ADAP1: variants seen among roughly 807,000 people sequenced by gnomAD.
The protein encoded by ADAP1 is ArfGAP with dual PH domains 1.
ADAP1 carries 31 observed loss-of-function variants against 54.9 expected under a neutral mutation model. That is an observed-to-expected ratio of 0.56 (90% CI 0.42 to 0.76). The LOEUF (loss-of-function observed/expected upper bound fraction) is 0.76, where lower values mean the gene tolerates loss of function less well. ADAP1 is among the 30% of genes least tolerant of loss of function. The pLI, the probability that ADAP1 is intolerant of heterozygous loss-of-function variation, is 0.00. For synonymous variants in ADAP1, 313 were observed against 202.6 expected (o/e 1.55, Z -4.63); for missense variants, 535 against 512.4 (o/e 1.04, Z -0.42).
chr7:900,112 G>A lies in ADAP1; in HGVS notation c.785C>T (p.Thr262Met), dbSNP rs893868928. Residue 262 changes from threonine to methionine, a missense_variant, in exon 8 of 11, where the codon ACG becomes ATG. Coordinates refer to ENST00000265846, the MANE Select transcript of ADAP1 (RefSeq NM_006869.4). The part of the protein sequence containing the change: ...NYLKEGYMEK[T>M]GPKQTEGFRK... ...GTGCGGCACACCCACCTTGGGCCCC[G>A]TCTTCTCCATGTAGCCTTCCTTCAG... The A allele has an allele frequency of 3.7e-6, 6 of 1,613,162 alleles. No individual in the cohort carries two copies. Among genetic ancestry groups the A allele is most frequent in the South Asian group, 1.1e-5 (1 of 91,088 alleles).
rs2128631795 is a variant in ADAP1, at chr7:898,705, C to CAGGGT, written c.*215_*216insACCCT. ...CTGGGTGTGGTCAGCAGCAGCATGA[C>CAGGGT]GGGGTTAGAGATCAGGCCCAGGGCC... is the stretch of plus-strand genomic sequence containing the variant. On this transcript the variant is annotated 3_prime_UTR_variant, in exon 11 of 11. Transcript: ENST00000265846. 1.4e-5 allele frequency: 9 copies of CAGGGT among 624,258 alleles called. No homozygotes were observed. Among genetic ancestry groups the CAGGGT allele is most frequent in the South Asian group, 1.4e-4 (7 of 51,784 alleles). The allele number at this position is 624,258 out of a possible 1,614,324, so 38.7% of individuals were successfully genotyped here.
In ADAP1 at chr7:898,253, GGGTTCA is replaced by G. The variant is rs960969085; in HGVS notation, c.*662_*667del. ...CCGCGGCCCAGGCCCTCGTCCCCAA[GGGTTCA>G]GACACCACTGTCGGCGAGCACCGTG... On this transcript the variant is annotated 3_prime_UTR_variant, in exon 11 of 11. Coordinates refer to ENST00000265846, the MANE Select transcript of ADAP1 (RefSeq NM_006869.4). 6.5e-6 allele frequency: 1 copy of G among 154,620 alleles called. No homozygotes were observed. Among genetic ancestry groups the G allele is most frequent in the Non-Finnish European group, 1.4e-5 (1 of 69,612 alleles). The allele number at this position is 154,620 out of a possible 1,614,324, so 9.6% of individuals were successfully genotyped here. A position where few individuals can be genotyped will look rare whatever the true frequency, so the allele number is the denominator to read the frequency against.
At chr7:906,723 C>CA (rs1437279765) in intron 4 of ADAP1, among the ~76,000 whole-genome samples, 254 of 18,356 alleles carry the variant, frequency 0.014, 11 homozygotes, top group East Asian at 0.023. Flanking sequence ...ACATCGGGGA[C>CA]GGGACATGGG....
At chr7:936,390 A>G (rs1846761411) in intron 1 of ADAP1, among the ~76,000 whole-genome samples, 2 of 152,074 alleles carry the variant, frequency 1.3e-5, no homozygotes, top group Admixed American at 1.3e-4. Context: ...ATGGGGTTTC[A>G]TCATGTTGGC....
At chr7:927,245 A>G (rs1195435799) in intron 2 of ADAP1, 10 of 1,255,664 alleles carry the variant, frequency 8.0e-6, no homozygotes, top group Non-Finnish European at 1.0e-5. Flanking sequence ...GAGGTGCTGC[A>G]GGAGGCTGTC....
chr7:955,144 G>A, upstream of ADAP1: 1 of 663,646 alleles, frequency 1.5e-6, no homozygotes, highest in Admixed American at 2.6e-5. Context: ...ACAGGGCCCA[G>A]ACGGAGCCTC....
At chr7:930,998 AAAGG>A (rs1167460912) in intron 2 of ADAP1, among the ~76,000 whole-genome samples, 70 of 147,026 alleles carry the variant, frequency 4.8e-4, no homozygotes, top group Admixed American at 1.5e-3. Flanking sequence ...AAAAAAAGAG[AAAGG>A]AAGGAAGGAA....
At chr7:904,989 C>A (rs948594064) in intron 5 of ADAP1, 71 bp downstream of exon 5, 108 of 1,369,860 alleles carry the variant, frequency 7.9e-5, no homozygotes, top group Non-Finnish European at 1.0e-4. Context: ...GCGGCCACCA[C>A]AGGCCCCAGT....
chr7:923,770 C>T (rs1846271738), intron 3 of ADAP1, among the ~76,000 whole-genome samples: 2 of 152,168 alleles, frequency 1.3e-5, no homozygotes, highest in Admixed American at 1.3e-4. Flanking sequence ...CTCTTAGCTC[C>T]TGCGAAGACG....
chr7:934,683 G>A (rs1197218851), intron 2 of ADAP1, among the ~76,000 whole-genome samples: 4 of 152,138 alleles, frequency 2.6e-5, no homozygotes, highest in South Asian at 4.1e-4. Flanking sequence ...GTCTCCCTAC[G>A]GGGCCCTTCC....
At chr7:932,028 G>A (rs548370120) in intron 2 of ADAP1, among the ~76,000 whole-genome samples, 49 of 152,344 alleles carry the variant, frequency 3.2e-4, no homozygotes, top group Non-Finnish European at 6.6e-4. Flanking sequence ...AAGAAGCCGG[G>A]CTGAGACCCA....
chr7:920,122 C>T lies in ADAP1; in HGVS notation c.306-72G>A, dbSNP rs926527909. The T allele has an allele frequency of 1.2e-5, 17 of 1,433,788 alleles. No homozygotes were observed. Among genetic ancestry groups the T allele is most frequent in the Admixed American group, 3.7e-5 (2 of 54,574 alleles). 88.8% of individuals were successfully genotyped at this position (1,433,788 alleles called of 1,614,324 possible). A position where few individuals can be genotyped will look rare whatever the true frequency, so the allele number is the denominator to read the frequency against. On this transcript the variant is annotated intron_variant, in intron 3 of 10. Transcript: ENST00000265846. This position sits in a 1 kb window ranked among gnomAD's most constrained non-coding sequence, Gnocchi z 4.5. ...ACCCAGCACACGCCGCTCTCTGGCC[C>T]GGACCCTGGACATCTCAAGAGGCTC...
chr7:955,321 T>C (rs560872729), upstream of ADAP1: 1 of 1,550,320 alleles, frequency 6.5e-7, no homozygotes, highest in African/African-American at 1.4e-5. Flanking sequence ...GCCCTTCCTC[T>C]GCACACCCCA....
At chr7:921,455 G>A (rs1472616677) in intron 3 of ADAP1, among the ~76,000 whole-genome samples, 2 of 152,228 alleles carry the variant, frequency 1.3e-5, no homozygotes, top group African/African-American at 4.8e-5. Context: ...CGAGTAGCTG[G>A]GCTAGAGGTG....
At chr7:919,654 G>A (rs1457068155) in intron 4 of ADAP1, among the ~76,000 whole-genome samples, 1 of 107,492 alleles carries the variant, frequency 9.3e-6, no homozygotes, top group Non-Finnish European at 1.9e-5. Flanking sequence ...CAGAGACACA[G>A]AGAGATAAAG....
intron 1 of ADAP1, among the ~76,000 whole-genome samples, chr7:951,139 C>G (rs1847258026): frequency 6.6e-6 from 1 of 152,082 alleles, no homozygotes; most frequent in Non-Finnish European, 1.5e-5. Flanking sequence ...CTTTGGGAGG[C>G]CGAGGCGGGT....
At chr7:925,582 G>A (rs1030476923) in intron 3 of ADAP1, among the ~76,000 whole-genome samples, 15 of 152,156 alleles carry the variant, frequency 9.9e-5, no homozygotes, top group Admixed American at 7.9e-4. Context: ...CCCCAAACAG[G>A]GCCCCGGATG....
rs1282425426 is a variant in ADAP1 at position 898,906 on chromosome 7, C to T, written c.*15G>A. The T allele has an allele frequency of 2.5e-6, 4 of 1,594,562 alleles. No homozygotes were observed. The highest frequency in any genetic ancestry group is 1.3e-5 in the African/African-American group (1 of 74,364). The stretch of plus-strand genomic sequence containing the variant: ...CACAGTGAGTCCAATGTCCGTGGTC[C>T]TCCAGCCGCACTCGCTAAGGTTTAT... On this transcript the variant is annotated 3_prime_UTR_variant, in exon 11 of 11. Transcript: ENST00000265846.
intron 3 of ADAP1, among the ~76,000 whole-genome samples, chr7:922,535 C>T (rs1201384468): frequency 6.6e-6 from 1 of 152,182 alleles, no homozygotes; most frequent in Non-Finnish European, 1.5e-5. Context: ...GGTCCAGTGG[C>T]CACTGTGACC....
Sources: allele counts gnomAD v4.1 joint callset (sites outside exome capture counted in the v4.1 genomes callset), GRCh38; gene constraint gnomAD v4.1.1; non-coding constraint Gnocchi (gnomAD v3.1); transcripts MANE v1.5; gene names NCBI Gene and HGNC (gene_info 2026-07-23, HGNC 2026-07-21).